UNC13D: variants seen among roughly 807,000 people sequenced by gnomAD.
The protein encoded by UNC13D is protein unc-13 homolog D.
UNC13D carries 115 observed loss-of-function variants against 151.7 expected under a neutral mutation model. The observed-to-expected ratio is 0.76, with a 90% CI of 0.65 to 0.88. UNC13D has a LOEUF of 0.88. Ranked by LOEUF, UNC13D falls within the 40% of genes least tolerant of loss-of-function variation. UNC13D has a pLI of 0.00. For missense variants in UNC13D, 1,369 were observed against 1,438.7 expected (o/e 0.95, Z 0.78); for synonymous variants, 588 against 612.2 (o/e 0.96, Z 0.58).
intron 25 of UNC13D, chr17:75,831,612 G>A: frequency 3.7e-6 from 2 of 535,528 alleles, no homozygotes; most frequent in South Asian, 2.2e-5. Context: ...CTAACGGAAT[G>A]CACAAACAAG....
rs200587965 is a variant in UNC13D, at chr17:75,835,987, C to G, written c.1544+25G>C. 5.4e-4 allele frequency: 871 copies of G among 1,614,166 alleles called. 3 individuals carry two copies. The African/African-American group carries it at 8.6e-3, about 16-fold the overall frequency. Reference sequence around the variant, plus strand: ...CCGGCTCTGAGGCAATGCCCCACTACCTCCCGACCTGGCTATCTGCTCACT... The same window carrying G: ...CCGGCTCTGAGGCAATGCCCCACTAGCTCCCGACCTGGCTATCTGCTCACT... On this transcript the variant is annotated intron_variant, in intron 17 of 31. Coordinates refer to ENST00000207549, the MANE Select transcript of UNC13D (RefSeq NM_199242.3).
At chr17:75,830,283 G>T (rs1279144598) in intron 29 of UNC13D, 79 bp downstream of exon 29, 3 of 1,565,060 alleles carry the variant, frequency 1.9e-6, no homozygotes, top group African/African-American at 2.7e-5. Flanking sequence ...CCTGCAGGGT[G>T]AGCGAAGCCC....
intron 6 of UNC13D, 73 bp from the exon 7 acceptor site, chr17:75,841,074 A>C: frequency 6.4e-7 from 1 of 1,569,354 alleles, no homozygotes; most frequent in Non-Finnish European, 8.8e-7. Flanking sequence ...AAGTGACCAC[A>C]GCCCAGAGCC....
Position 75,844,209 on chromosome 17 carries a change from G to A in UNC13D, c.117+12C>T. 1 of 1,610,374 alleles carries A rather than the reference G, an allele frequency of 6.2e-7. No individual in the cohort carries two copies. Among genetic ancestry groups the A allele is most frequent in the African/African-American group, 1.3e-5 (1 of 75,034 alleles). On this transcript the variant is annotated intron_variant, in intron 1 of 31. Transcript: ENST00000207549. Reference sequence around the variant, plus strand: ...CCAAGGCCAGCTCTCTCCCCAGTGAGGTCACTCCTACCTCCGGGGCCATTT... The same window carrying A: ...CCAAGGCCAGCTCTCTCCCCAGTGAAGTCACTCCTACCTCCGGGGCCATTT...
chr17:75,828,797 G>A lies in UNC13D; in HGVS notation c.3141C>T (p.Pro1047=), dbSNP rs866899109. Residue 1047 remains proline (P), a synonymous_variant, in exon 31 of 32, where the codon CCC becomes CCT. Transcript: ENST00000207549. ...VPQTRLPLTY[P]APNGDPILQL... Reference sequence around the variant, plus strand: ...TGGGCTCAGGCCTACCGTTGGGTGCGGGGTACGTGAGGGGCAGGCGGGTCT... The same window carrying A: ...TGGGCTCAGGCCTACCGTTGGGTGCAGGGTACGTGAGGGGCAGGCGGGTCT... The A allele has an allele frequency of 5.2e-6, 8 of 1,546,816 alleles. No homozygotes were observed. Among genetic ancestry groups the A allele is most frequent in the East Asian group, 4.8e-5 (2 of 41,356 alleles).
At chr17:75,837,139 C>T (rs1472231776) in intron 12 of UNC13D, among the ~76,000 whole-genome samples, 1 of 151,760 alleles carries the variant, frequency 6.6e-6, no homozygotes, top group East Asian at 1.9e-4. Context: ...GATCTCGGCT[C>T]ACTGCAACCT....
In UNC13D at chr17:75,830,345, AGGC is replaced by A. The variant is rs2064861971; in HGVS notation, c.2830+14_2830+16del. On this transcript the variant is annotated intron_variant, in intron 29 of 31. Transcript: ENST00000207549. Reference sequence around the variant, plus strand: ...GGACGGGACCATGGAGAGTGGCCAAAGGCAGCCTCCACTCACCATTGGAGTCCA... The same window carrying A: ...GGACGGGACCATGGAGAGTGGCCAAAAGCCTCCACTCACCATTGGAGTCCA... 1 of 1,590,990 alleles carries A rather than the reference AGGC, an allele frequency of 6.3e-7. No individual in the cohort carries two copies. Among genetic ancestry groups the A allele is most frequent in the African/African-American group, 1.3e-5 (1 of 74,630 alleles).
Position 75,840,910 on chromosome 17 carries a change from C to T in UNC13D, c.614+47G>A. On this transcript the variant is annotated intron_variant, in intron 7 of 31. Coordinates refer to ENST00000207549, the MANE Select transcript of UNC13D (RefSeq NM_199242.3). This position sits in a 1 kb window ranked among gnomAD's most constrained non-coding sequence, Gnocchi z 4.6. ...AGGAGGAGGTTCCGCCTCTCTCACC[C>T]CAGATCCCTTCCCTTCCCATCCCTA... 6.2e-7 allele frequency: 1 copy of T among 1,614,098 alleles called. No individual in the cohort carries two copies. The highest frequency in any genetic ancestry group is 8.5e-7 in the Non-Finnish European group (1 of 1,180,024).
chr17:75,840,170 C>A lies in UNC13D; in HGVS notation c.858+55G>T. ...ACACTGGGTGCAGCCAGCCCCGCAA[C>A]CCAGCAGACCGCCGCAAGAGCTGGG... On this transcript the variant is annotated intron_variant, in intron 10 of 31. Transcript: ENST00000207549. This position sits in a 1 kb window ranked among gnomAD's most constrained non-coding sequence, Gnocchi z 4.6. 2 of 1,612,250 alleles carry A rather than the reference C, an allele frequency of 1.2e-6. No homozygotes were observed. The highest frequency in any genetic ancestry group is 1.7e-6 in the Non-Finnish European group (2 of 1,179,154).
chr17:75,840,902 C>T lies in UNC13D; in HGVS notation c.614+55G>A, dbSNP rs573015460. 17 of 1,614,032 alleles carry T rather than the reference C, an allele frequency of 1.1e-5. No homozygotes were observed. The highest frequency in any genetic ancestry group is 2.2e-5 in the East Asian group (1 of 44,884). On this transcript the variant is annotated intron_variant, in intron 7 of 31. Coordinates refer to ENST00000207549, the MANE Select transcript of UNC13D (RefSeq NM_199242.3). The surrounding 1 kb of genome is among the most constrained non-coding windows in gnomAD (Gnocchi z 4.6). Reference sequence around the variant, plus strand: ...CCTCTTCCAGGAGGAGGTTCCGCCTCTCTCACCCCAGATCCCTTCCCTTCC... The same window carrying T: ...CCTCTTCCAGGAGGAGGTTCCGCCTTTCTCACCCCAGATCCCTTCCCTTCC...
chr17:75,841,117 C>T (rs2064945688), intron 6 of UNC13D, 116 bp from the exon 7 acceptor site: 1 of 972,196 alleles, frequency 1.0e-6, no homozygotes. Context: ...CCAAACTTCC[C>T]TCCTCCCAGC....
rs1467296450 is a variant in UNC13D at position 75,842,843 on chromosome 17, C to T, written c.388+14G>A. 14 of 1,613,492 alleles carry T rather than the reference C, an allele frequency of 8.7e-6. No individual in the cohort carries two copies. The Admixed American group carries it at 2.0e-4, about 23-fold the overall frequency. ...CCAGGAAGAAGCCCCTTGGGGACCCCACCCCATGCTCACCACTGACATCTT... is the reference window on the plus strand; with the variant it reads ...CCAGGAAGAAGCCCCTTGGGGACCCTACCCCATGCTCACCACTGACATCTT... On this transcript the variant is annotated intron_variant, in intron 5 of 31. Coordinates refer to ENST00000207549, the MANE Select transcript of UNC13D (RefSeq NM_199242.3).
rs201245167 is a variant in UNC13D at position 75,840,908 on chromosome 17, C to A, written c.614+49G>T. The A allele has an allele frequency of 2.2e-4, 348 of 1,613,952 alleles. No individual in the cohort carries two copies. Among genetic ancestry groups the A allele is most frequent in the Middle Eastern group, 6.6e-4 (4 of 6,084 alleles). On this transcript the variant is annotated intron_variant, in intron 7 of 31. Coordinates refer to ENST00000207549, the MANE Select transcript of UNC13D (RefSeq NM_199242.3). This position sits in a 1 kb window ranked among gnomAD's most constrained non-coding sequence, Gnocchi z 4.6. ...CCAGGAGGAGGTTCCGCCTCTCTCACCCCAGATCCCTTCCCTTCCCATCCC... is the reference window on the plus strand; with the variant it reads ...CCAGGAGGAGGTTCCGCCTCTCTCAACCCAGATCCCTTCCCTTCCCATCCC...
chr17:75,840,017 C>G lies in UNC13D; in HGVS notation c.951+1G>C. The G allele has an allele frequency of 1.2e-6, 2 of 1,613,594 alleles. No individual in the cohort carries two copies. Among genetic ancestry groups the G allele is most frequent in the Non-Finnish European group, 1.7e-6 (2 of 1,179,956 alleles). On this transcript the variant is annotated splice_donor_variant, in intron 11 of 31. Transcript: ENST00000207549. LOFTEE classifies it high-confidence loss of function. The surrounding 1 kb of genome is among the most constrained non-coding windows in gnomAD (Gnocchi z 4.6). Reference sequence around the variant, plus strand: ...TGCGCCCAGCCCCAGGAGGGCAATACCTCGTGCTGGGTGACCTCGTGGGAC... The same window carrying G: ...TGCGCCCAGCCCCAGGAGGGCAATAGCTCGTGCTGGGTGACCTCGTGGGAC...
rs546379598 is a variant in UNC13D at position 75,835,541 on chromosome 17, C to T, written c.1728-12G>A. 57 of 1,599,812 alleles carry T rather than the reference C, an allele frequency of 3.6e-5. No individual in the cohort carries two copies. Among genetic ancestry groups the T allele is most frequent in the Admixed American group, 5.2e-5 (3 of 57,426 alleles). On this transcript the variant is annotated splice_polypyrimidine_tract_variant and intron_variant, in intron 19 of 31. Transcript: ENST00000207549. ...CCAGGACTCCATCCCTGGGGATTGC[C>T]GGGGCTCAGCGTCGGGAAGGCTGGG...
intron 14 of UNC13D, 24 bp from the exon 15 acceptor site, chr17:75,836,453 C>G: frequency 6.2e-7 from 1 of 1,612,018 alleles, no homozygotes; most frequent in Admixed American, 1.7e-5. Flanking sequence ...AGAGCTGTGT[C>G]GAAAGTGCCT....
chr17:75,843,037 G>A lies in UNC13D; in HGVS notation c.298C>T (p.Leu100=). The A allele has an allele frequency of 6.2e-7, 1 of 1,611,324 alleles. No homozygotes were observed. The highest frequency in any genetic ancestry group is 1.1e-5 in the South Asian group (1 of 91,074). The change falls in exon 4 of 32, where the codon CTG becomes TTG. Residue 100 remains leucine (L), a synonymous_variant. Transcript: ENST00000207549. ...ACCTCAAGCTCCCTGACCCGCTGCA[G>A]TGTCTGCTGGTGCTCCTCGGGCTCC... ...HVEPEEHQQT[L]QRVRELEKPI...
chr17:75,834,036 G>A (rs2064889519), intron 24 of UNC13D, 39 bp downstream of exon 24: 1 of 1,611,314 alleles, frequency 6.2e-7, no homozygotes, highest in Non-Finnish European at 8.5e-7. Flanking sequence ...TACAGAGCTG[G>A]CAGGGTGGTG....
intron 12 of UNC13D, among the ~76,000 whole-genome samples, chr17:75,839,424 G>C (rs1249167454): frequency 6.9e-6 from 1 of 144,582 alleles, no homozygotes; most frequent in Non-Finnish European, 1.5e-5. Context: ...AAAAAAAAAA[G>C]CAGCAAAATG....
Sources: allele counts gnomAD v4.1 joint callset (sites outside exome capture counted in the v4.1 genomes callset), GRCh38; gene constraint gnomAD v4.1.1; non-coding constraint Gnocchi (gnomAD v3.1); transcripts MANE v1.5; gene names NCBI Gene and HGNC (gene_info 2026-07-23, HGNC 2026-07-21).